LARP1: variants seen among roughly 807,000 people sequenced by gnomAD.
LARP1 encodes La ribonucleoprotein 1, translational regulator, also known as la-related protein 1.
In LARP1, 36 loss-of-function variants were observed where a neutral mutation model predicts 122.7. The observed-to-expected ratio is 0.29, with a 90% CI of 0.22 to 0.39. The LOEUF (loss-of-function observed/expected upper bound fraction) is 0.39. Ranked by LOEUF, LARP1 falls within the 10% of genes least tolerant of loss-of-function variation. LARP1 has a pLI of 1.00. For missense variants in LARP1, 1,040 were observed against 1,403.6 expected, an observed-to-expected ratio of 0.74 and a Z score of 4.14; for synonymous variants, 539 against 528.7, an observed-to-expected ratio of 1.02 and a Z score of -0.27.
intron 1 of LARP1, among the ~76,000 whole-genome samples, chr5:154,778,273 AAAAAG>A (rs1315069702): frequency 6.6e-6 from 1 of 151,970 alleles, no homozygotes; most frequent in African/African-American, 2.4e-5. Flanking sequence ...AAAAAAAAAA[AAAAAG>A]TGCAGCTCTG....
At chr5:154,748,195 T>C (rs192918701) in intron 1 of LARP1, among the ~76,000 whole-genome samples, 1 of 152,302 alleles carries the variant, frequency 6.6e-6, no homozygotes, top group Non-Finnish European at 1.5e-5. Flanking sequence ...TTTATCATTT[T>C]CAAAAGATGT....
At chr5:154,804,430 C>A in intron 14 of LARP1, 123 bp downstream of exon 14, 1 of 743,464 alleles carries the variant, frequency 1.3e-6, no homozygotes, top group Non-Finnish European at 2.3e-6. Context: ...AAGAGGTTTT[C>A]AAAAAACCAG....
Position 154,759,951 on chromosome 5 carries a change from GTTTT to G in LARP1, c.436+3762_436+3765del, listed in dbSNP as rs543142946. ...TGTTTGTTTGTTTGTTTGTTTGTTT[GTTTT>G]TTTGGAGACAGTCTGGCTCTGTCGC... On this transcript the variant is annotated intron_variant, in intron 1 of 18. Transcript: ENST00000518297. Among the ~76,000 whole-genome samples the G allele has an allele frequency of 6.7e-3, 719 of 107,264 alleles. 3 individuals carry two copies. The highest frequency in any genetic ancestry group is 0.037 in the South Asian group (106 of 2,878). The allele number at this position is 107,264 out of a possible 152,430, so 70.4% of individuals were successfully genotyped here.
chr5:154,732,482 T>C lies in LARP1; in HGVS notation c.205+19352T>C, dbSNP rs551888900. On this transcript the variant is annotated intron_variant, in intron 1 of 18. Transcript: ENST00000336314. ...CCTTGAGTACTACAGGGGGAAAGAT[T>C]CTGAAGACACATGCAGCCTTCATGG... Among the ~76,000 whole-genome samples, 36 of 152,360 alleles carry C rather than the reference T, an allele frequency of 2.4e-4. No individual in the cohort carries two copies. The South Asian group carries it at 7.2e-3, about 31-fold the overall frequency.
At chr5:154,713,783 T>A (rs752788521) in intron 1 of LARP1, among the ~76,000 whole-genome samples, 2 of 152,178 alleles carry the variant, frequency 1.3e-5, no homozygotes, top group Non-Finnish European at 2.9e-5. Context: ...ACTTAAAAAT[T>A]TCCTATGTGG....
intron 8 of LARP1, among the ~76,000 whole-genome samples, chr5:154,796,015 ATATAT>A (rs1757765754): frequency 1.0e-5 from 1 of 99,872 alleles, no homozygotes; most frequent in South Asian, 2.7e-4. Flanking sequence ...TTATATATTT[ATATAT>A]TATATATATT....
Position 154,693,780 on chromosome 5 carries a change from G to A in LARP1, c.-180+10743G>A, listed in dbSNP as rs1470296618. On this transcript the variant is annotated intron_variant, in intron 1 of 18. Coordinates refer to the LARP1 transcript ENST00000687700. ...CTGAGGCAGGAGAACGGCGTGAACTGGAGAGGCGGAGCTTGCAGTGAGCCG... is the reference window on the plus strand; with the variant it reads ...CTGAGGCAGGAGAACGGCGTGAACTAGAGAGGCGGAGCTTGCAGTGAGCCG... Among the ~76,000 whole-genome samples the A allele has an allele frequency of 6.6e-5, 10 of 151,558 alleles. No individual in the cohort carries two copies. The East Asian group carries it at 9.7e-4, about 15-fold the overall frequency.
upstream of LARP1, among the ~76,000 whole-genome samples, chr5:154,752,908 C>T (rs922944978): frequency 3.3e-5 from 5 of 152,100 alleles, no homozygotes; most frequent in Admixed American, 1.3e-4. Context: ...CACTGCACTC[C>T]AGCCTGGGCG....
chr5:154,739,135 C>T (rs1215126654), intron 1 of LARP1, among the ~76,000 whole-genome samples: 2 of 152,108 alleles, frequency 1.3e-5, no homozygotes, highest in African/African-American at 2.4e-5. Flanking sequence ...TCTGCCTCAA[C>T]CTCCCAAGTA....
chr5:154,715,266 T>C lies in LARP1; in HGVS notation c.205+2136T>C, dbSNP rs554871920. On this transcript the variant is annotated intron_variant, in intron 1 of 18. Transcript: ENST00000336314. The stretch of plus-strand genomic sequence containing the variant: ...CCCCTGCTCTGGGGCAAGCCTCTCT[T>C]TTTTTTTTTTTTTTTTTTTGAGTCA... Among the ~76,000 whole-genome samples, 59 of 25,204 alleles carry C rather than the reference T, an allele frequency of 2.3e-3. No individual in the cohort carries two copies. The African/African-American group carries it at 0.024, about 10-fold the overall frequency. The allele number at this position is 25,204 out of a possible 152,430, so 16.5% of individuals were successfully genotyped here.
chr5:154,773,373 G>T (rs1161384617), intron 1 of LARP1, among the ~76,000 whole-genome samples: 1 of 152,176 alleles, frequency 6.6e-6, no homozygotes, highest in Non-Finnish European at 1.5e-5. Context: ...GTAACAGTTT[G>T]CTGTTGAGAG....
intron 8 of LARP1, among the ~76,000 whole-genome samples, chr5:154,797,098 T>A (rs1757923386): frequency 6.6e-6 from 1 of 152,174 alleles, no homozygotes; most frequent in Admixed American, 6.6e-5. Context: ...AAATGGTATT[T>A]AGATACCAGT....
chr5:154,799,685 A>G lies in LARP1; in HGVS notation c.1472A>G (p.Tyr491Cys), dbSNP rs2113821347. Reference sequence around the variant, plus strand: ...TGGCCTCTTCCCCCAATAGTGGATTATTCACAGACTGATTTCTCCCAGCTT... The same window carrying G: ...TGGCCTCTTCCCCCAATAGTGGATTGTTCACAGACTGATTTCTCCCAGCTT... ...EKWPLPPIVDYSQTDFSQLLN... is the reference protein window; with the variant it reads ...EKWPLPPIVDCSQTDFSQLLN... The change falls in exon 9 of 19, where the codon TAT becomes TGT. Residue 491 changes from tyrosine (Y) to cysteine (C), a missense_variant. Transcript: ENST00000518297. 6.2e-7 allele frequency: 1 copy of G among 1,614,232 alleles called. No individual in the cohort carries two copies. Among genetic ancestry groups the G allele is most frequent in the East Asian group, 2.2e-5 (1 of 44,890 alleles).
intron 1 of LARP1, among the ~76,000 whole-genome samples, chr5:154,702,632 A>G (rs1247885329): frequency 1.3e-5 from 2 of 152,252 alleles, no homozygotes; most frequent in Admixed American, 1.3e-4. Flanking sequence ...GGCAAAAGGC[A>G]TTGATAGCAA....
At chr5:154,768,539 A>G (rs1368534939) in intron 1 of LARP1, among the ~76,000 whole-genome samples, 1 of 152,148 alleles carries the variant, frequency 6.6e-6, no homozygotes, top group Non-Finnish European at 1.5e-5. Context: ...TCAATAAGCA[A>G]CCACTGAATT....
intron 18 of LARP1, among the ~76,000 whole-genome samples, chr5:154,813,375 G>C (rs1012696960): frequency 6.6e-6 from 1 of 152,138 alleles, no homozygotes; most frequent in African/African-American, 2.4e-5. Flanking sequence ...TCTGGAGCAT[G>C]GTCTGAGTCT....
At chr5:154,757,027 C>T (rs1320118781) in intron 1 of LARP1, 1 of 147,734 alleles carries the variant, frequency 6.8e-6, no homozygotes, top group Non-Finnish European at 1.5e-5. Flanking sequence ...CGGCGGCCCG[C>T]GGGCCGCTCG....
At chr5:154,812,433 A>G (rs1759348712) in intron 18 of LARP1, among the ~76,000 whole-genome samples, 1 of 151,252 alleles carries the variant, frequency 6.6e-6, no homozygotes, top group Admixed American at 6.6e-5. Context: ...AAATCTTGGC[A>G]GAAGGGGAAG....
chr5:154,812,910 T>G (rs897848156), intron 18 of LARP1, among the ~76,000 whole-genome samples: 1 of 152,112 alleles, frequency 6.6e-6, no homozygotes, highest in Admixed American at 6.5e-5. Context: ...TGCAATTATC[T>G]CCACCTGGTC....
Sources: allele counts gnomAD v4.1 joint callset (sites outside exome capture counted in the v4.1 genomes callset), GRCh38; gene constraint gnomAD v4.1.1; transcripts MANE v1.5; gene names NCBI Gene and HGNC (gene_info 2026-07-23, HGNC 2026-07-21).